Variants in IFT56 observed in about 807,000 individuals in gnomAD.
IFT56 encodes the protein intraflagellar transport 56, also known as intraflagellar transport protein 56.
chr7:139,158,689 G>T, the IFT56 span, among the ~76,000 whole-genome samples: 1 of 152,018 alleles, frequency 6.6e-6, no homozygotes, highest in East Asian at 1.9e-4. Flanking sequence ...TGAGATAGGC[G>T]GATCATTTGA....
the IFT56 span, chr7:139,178,277 T>G: frequency 6.2e-7 from 1 of 1,613,924 alleles, no homozygotes; most frequent in Non-Finnish European, 8.5e-7. Context: ...TTTGATGATG[T>G]TTTGATTTAC....
At chr7:139,187,612 A>G in the IFT56 span, 1 of 1,546,474 alleles carries the variant, frequency 6.5e-7, no homozygotes, top group Non-Finnish European at 8.8e-7. Flanking sequence ...GTTCTCTTGG[A>G]TGATATCTTC....
At chr7:139,165,271 A>C in the IFT56 span, 1 of 1,389,570 alleles carries the variant, frequency 7.2e-7, no homozygotes. Flanking sequence ...TTACAATGAG[A>C]TATTTTAGAA....
the IFT56 span, among the ~76,000 whole-genome samples, chr7:139,172,024 C>T: frequency 1.7e-4 from 26 of 151,802 alleles, no homozygotes; most frequent in African/African-American, 2.4e-5. Flanking sequence ...CCGTCAATAT[C>T]GAGTCCCTCT....
the IFT56 span, chr7:139,133,905 A>G: frequency 6.2e-7 from 1 of 1,613,730 alleles, no homozygotes; most frequent in South Asian, 1.1e-5. Context: ...GTAGGTCCTG[A>G]GGCTGGCGAT....
chr7:139,181,333 C>A, the IFT56 span: 1 of 574,384 alleles, frequency 1.7e-6, no homozygotes, highest in Non-Finnish European at 3.0e-6. Flanking sequence ...ATAAGAGATG[C>A]CATTCTTTTT....
the IFT56 span, chr7:139,137,778 A>G: frequency 7.7e-7 from 1 of 1,296,006 alleles, no homozygotes; most frequent in Non-Finnish European, 1.1e-6. Context: ...CCAACGTAGC[A>G]TTTTTTTTTA....
At chr7:139,179,179 C>T in the IFT56 span, among the ~76,000 whole-genome samples, 3 of 152,142 alleles carry the variant, frequency 2.0e-5, no homozygotes, top group South Asian at 2.1e-4. Flanking sequence ...CTCAGGAGTT[C>T]GAGACCAACC....
the IFT56 span, chr7:139,173,054 A>G: frequency 1.4e-6 from 1 of 734,188 alleles, no homozygotes. Flanking sequence ...AATGCTTCCA[A>G]CTCAGCTTTG....
At chr7:139,148,829 G>C in the IFT56 span, among the ~76,000 whole-genome samples, 1 of 151,602 alleles carries the variant, frequency 6.6e-6, no homozygotes, top group Non-Finnish European at 1.5e-5. Flanking sequence ...TTCGGGGGGC[G>C]GGTGGAGGTT....
the IFT56 span, among the ~76,000 whole-genome samples, chr7:139,143,885 C>T: frequency 6.6e-6 from 1 of 151,944 alleles, no homozygotes; most frequent in East Asian, 1.9e-4. Context: ...GTGTATTTTG[C>T]ATATTAAAAA....
At chr7:139,174,176 T>C in the IFT56 span, 1 of 592,418 alleles carries the variant, frequency 1.7e-6, no homozygotes, top group South Asian at 1.4e-5. Context: ...GTTGCCCACT[T>C]ATCCCAGCTT....
the IFT56 span, among the ~76,000 whole-genome samples, chr7:139,158,313 C>CAAAAAAAAAAACAAAA: frequency 6.1e-5 from 7 of 115,384 alleles, no homozygotes; most frequent in African/African-American, 3.0e-4. Flanking sequence ...GACGCCATCT[C>CAAAAAAAAAAACAAAA]AAAAAAAAAA....
chr7:139,177,198 A>T, the IFT56 span, among the ~76,000 whole-genome samples: 3 of 151,254 alleles, frequency 2.0e-5, no homozygotes, highest in Non-Finnish European at 2.9e-5. Flanking sequence ...AGAAAAGAAA[A>T]AAAGAAATAA....
chr7:139,150,147 A>G, the IFT56 span, among the ~76,000 whole-genome samples: 1 of 152,210 alleles, frequency 6.6e-6, no homozygotes, highest in Non-Finnish European at 1.5e-5. Context: ...GTATATACTT[A>G]TATATTAAAT....
chr7:139,161,195 G>T, the IFT56 span: 8 of 513,196 alleles, frequency 1.6e-5, no homozygotes, highest in Non-Finnish European at 2.7e-5. Flanking sequence ...GTTTCCTTAA[G>T]GAAATCCTTG....
chr7:139,177,356 C>A, the IFT56 span, among the ~76,000 whole-genome samples: 2 of 151,262 alleles, frequency 1.3e-5, no homozygotes, highest in Non-Finnish European at 2.9e-5. Context: ...ATAACTCCCA[C>A]CCTTGCCACA....
At chr7:139,168,679 G>T in the IFT56 span, 1 of 389,760 alleles carries the variant, frequency 2.6e-6, no homozygotes, top group East Asian at 4.0e-5. Flanking sequence ...AAATCATTGC[G>T]CAACTTCATT....
the IFT56 span, among the ~76,000 whole-genome samples, chr7:139,157,410 G>C: frequency 1.3e-5 from 2 of 151,074 alleles, no homozygotes; most frequent in East Asian, 3.9e-4. Context: ...GCCTCCCAAA[G>C]TGCTGGGATT....
Sources: gnomAD v4.1 joint callset for allele counts (sites outside exome capture counted in the v4.1 genomes callset) on GRCh38, gnomAD v4.1.1 for gene constraint, MANE v1.5 for transcripts, NCBI Gene and HGNC (gene_info 2026-07-23, HGNC 2026-07-21) for gene names.